The following AP2S1 variants were observed in gnomAD, a reference collection of about 807,000 sequenced individuals.
AP2S1 encodes AP-2 complex subunit sigma.
In AP2S1, 6 loss-of-function variants were observed where a neutral mutation model predicts 21.0. That is an observed-to-expected ratio of 0.29 (90% CI 0.16 to 0.56). The LOEUF (loss-of-function observed/expected upper bound fraction) is 0.56, where lower values mean the gene tolerates loss of function less well. Ranked by LOEUF, AP2S1 falls within the 20% of genes least tolerant of loss-of-function variation. AP2S1 has a pLI of 0.92. For synonymous variants in AP2S1, 63 were observed against 74.6 expected, an observed-to-expected ratio of 0.84 and a Z score of 0.80; for missense variants, 60 against 186.2, an observed-to-expected ratio of 0.32 and a Z score of 3.95.
Position 46,839,595 on chromosome 19 carries a change from C to A in AP2S1, c.154-17G>T. On this transcript the variant is annotated splice_polypyrimidine_tract_variant and intron_variant, in intron 2 of 4. Transcript: ENST00000263270. ...GTTCCGGAACTGCAGAACAGAGAGG[C>A]TGTCAGCAACGGAGATTGCCAGGAC... 1 of 1,614,172 alleles carries A rather than the reference C, an allele frequency of 6.2e-7. No homozygotes were observed. The highest frequency in any genetic ancestry group is 1.1e-5 in the South Asian group (1 of 91,080).
chr19:46,838,855 A>G lies in AP2S1; in HGVS notation c.268-56T>C, dbSNP rs2055459493. ...TGGGCAGGGAGAGAGCCACACACGC[A>G]CAGAGATGGGAACAAGGTCATCAGA... On this transcript the variant is annotated intron_variant, in intron 3 of 4. Coordinates refer to ENST00000263270, the MANE Select transcript of AP2S1 (RefSeq NM_004069.6). The surrounding 1 kb of genome is among the most constrained non-coding windows in gnomAD (Gnocchi z 4.1). The G allele has an allele frequency of 4.6e-6, 7 of 1,521,662 alleles. No homozygotes were observed. In the Admixed American group the frequency reaches 5.1e-5, roughly 11 times the overall value. 94.3% of individuals were successfully genotyped at this position (1,521,662 alleles called of 1,614,324 possible). A position where few individuals can be genotyped will look rare whatever the true frequency, so the allele number is the denominator to read the frequency against.
chr19:46,847,256 C>T (rs972349822), intron 1 of AP2S1, among the ~76,000 whole-genome samples: 18 of 146,070 alleles, frequency 1.2e-4, no homozygotes, highest in Admixed American at 1.2e-3. Flanking sequence ...TTTTTTGAGA[C>T]AGGTTCTAGC....
intron 2 of AP2S1, among the ~76,000 whole-genome samples, chr19:46,843,874 C>A (rs2055571200): frequency 6.6e-6 from 1 of 152,034 alleles, no homozygotes; most frequent in South Asian, 2.1e-4. Context: ...GGAGACAGAG[C>A]AAGACCGTGT....
chr19:46,841,274 A>G (rs2055516376), intron 2 of AP2S1, among the ~76,000 whole-genome samples: 1 of 152,084 alleles, frequency 6.6e-6, no homozygotes, highest in Admixed American at 6.6e-5. Flanking sequence ...TGATTACAGT[A>G]AGGCCTACAT....
At chr19:46,849,151 A>G (rs2055689680) in intron 1 of AP2S1, among the ~76,000 whole-genome samples, 1 of 149,366 alleles carries the variant, frequency 6.7e-6, no homozygotes, top group Admixed American at 6.7e-5. Flanking sequence ...GATTACAGGC[A>G]TCCACCACCA....
chr19:46,839,409 G>A (rs982574107), intron 3 of AP2S1, 56 bp downstream of exon 3: 5 of 1,590,820 alleles, frequency 3.1e-6, no homozygotes, highest in Non-Finnish European at 4.3e-6. Context: ...AGGCCTTGGG[G>A]GCCACTCCAG....
intron 1 of AP2S1, among the ~76,000 whole-genome samples, chr19:46,846,726 C>T (rs1284082589): frequency 2.0e-5 from 3 of 152,292 alleles, no homozygotes; most frequent in Admixed American, 6.5e-5. Context: ...AGTGCGATGG[C>T]GCAATCTCGG....
chr19:46,850,836 T>A lies in AP2S1; in HGVS notation c.-70A>T. 1 of 1,450,102 alleles carries A rather than the reference T, an allele frequency of 6.9e-7. No individual in the cohort carries two copies. The highest frequency in any genetic ancestry group is 2.6e-5 in the East Asian group (1 of 38,734). The allele number at this position is 1,450,102 out of a possible 1,614,324, so 89.8% of individuals were successfully genotyped here. ...TGGGCAGCTCCGGCTCAGGGTGCAGTTGTAGGGCCCAGAGCTAGAGCGGAC... is the reference window on the plus strand; with the variant it reads ...TGGGCAGCTCCGGCTCAGGGTGCAGATGTAGGGCCCAGAGCTAGAGCGGAC... On this transcript the variant is annotated 5_prime_UTR_variant, in exon 1 of 5. Transcript: ENST00000263270.
intron 1 of AP2S1, among the ~76,000 whole-genome samples, chr19:46,849,715 C>A (rs933511371): frequency 4.6e-5 from 7 of 152,076 alleles, no homozygotes; most frequent in African/African-American, 1.7e-4. Context: ...GTCTCCAATC[C>A]CCCTCCTCTG....
intron 2 of AP2S1, among the ~76,000 whole-genome samples, chr19:46,843,280 C>A (rs901625901): frequency 3.3e-5 from 5 of 152,198 alleles, no homozygotes; most frequent in African/African-American, 9.7e-5. Context: ...CCCACCTGGA[C>A]CACTGCAGCC....
chr19:46,846,159 GAGA>G lies in AP2S1; in HGVS notation c.4-20_4-18del, dbSNP rs2055628996. ...AAAGCGGATCTGGGGGCAGCAGGAG[GAGA>G]AGGAGGAAGTGAGAGAGGCAGAGAG... is the stretch of plus-strand genomic sequence containing the variant. On this transcript the variant is annotated intron_variant, in intron 1 of 4. Coordinates refer to ENST00000263270, the MANE Select transcript of AP2S1 (RefSeq NM_004069.6). The G allele has an allele frequency of 1.9e-6, 3 of 1,613,584 alleles. No homozygotes were observed. The highest frequency in any genetic ancestry group is 3.3e-5 in the Admixed American group (2 of 59,980).
intron 1 of AP2S1, among the ~76,000 whole-genome samples, chr19:46,846,598 T>C (rs772688699): frequency 1.1e-4 from 16 of 151,924 alleles, no homozygotes; most frequent in Admixed American, 3.3e-4. Flanking sequence ...CTAGGCCTGT[T>C]TCCTCACCAG....
chr19:46,838,692 C>T lies in AP2S1; in HGVS notation c.327+48G>A, dbSNP rs200237364. 3.1e-3 allele frequency: 4,965 copies of T among 1,604,310 alleles called. 55 individuals carry two copies. The highest frequency in any genetic ancestry group is 2.8e-3 in the Non-Finnish European group (3,288 of 1,171,818). ...TGGCTAGTGCACCACGGGTCCCCCCCGTCCCCCTCCTCTGGCTCCTTCAGC... is the reference window on the plus strand; with the variant it reads ...TGGCTAGTGCACCACGGGTCCCCCCTGTCCCCCTCCTCTGGCTCCTTCAGC... On this transcript the variant is annotated intron_variant, in intron 4 of 4. Transcript: ENST00000263270. The surrounding 1 kb of genome is among the most constrained non-coding windows in gnomAD (Gnocchi z 4.1).
intron 3 of AP2S1, 65 bp downstream of exon 3, chr19:46,839,400 G>A (rs1251400005): frequency 1.9e-6 from 3 of 1,577,878 alleles, no homozygotes; most frequent in Non-Finnish European, 2.6e-6. Flanking sequence ...AGGGTTCCCA[G>A]GCCTTGGGGG....
In AP2S1 at chr19:46,838,480, C is replaced by T. The variant is rs777173659; in HGVS notation, c.396G>A (p.Leu132=). Reference sequence around the variant, plus strand: ...GGGACTGTAGCATCAGCAGCTGTTTCAGCACCTTCGTCTGGCTGGTCTCTC... The same window carrying T: ...GGGACTGTAGCATCAGCAGCTGTTTTAGCACCTTCGTCTGGCTGGTCTCTC... The part of the protein sequence containing the change: ...EIRETSQTKV[L]KQLLMLQSLE The change falls in exon 5 of 5, where the codon CTG becomes CTA. Residue 132 remains leucine (L), a synonymous_variant. Transcript: ENST00000263270. This position sits in a 1 kb window ranked among gnomAD's most constrained non-coding sequence, Gnocchi z 4.1. 1 of 1,614,212 alleles carries T rather than the reference C, an allele frequency of 6.2e-7. No individual in the cohort carries two copies. Among genetic ancestry groups the T allele is most frequent in the Non-Finnish European group, 8.5e-7 (1 of 1,180,022 alleles).
chr19:46,840,614 C>T (rs146174962), intron 2 of AP2S1, among the ~76,000 whole-genome samples: 2 of 151,874 alleles, frequency 1.3e-5, no homozygotes, highest in East Asian at 1.9e-4. Context: ...CACTCCAGCC[C>T]GGGAGACCCT....
At chr19:46,848,242 AG>A (rs897959312) in intron 1 of AP2S1, among the ~76,000 whole-genome samples, 8 of 152,040 alleles carry the variant, frequency 5.3e-5, no homozygotes, top group African/African-American at 1.9e-4. Flanking sequence ...GATGGGGGGC[AG>A]GGGGGAGGCG....
chr19:46,844,154 T>C (rs1018496071), intron 2 of AP2S1, among the ~76,000 whole-genome samples: 3 of 152,036 alleles, frequency 2.0e-5, no homozygotes, highest in East Asian at 1.9e-4. Flanking sequence ...CCACCCACCT[T>C]GGCCTCCCAA....
rs530290887 is a variant in AP2S1, at chr19:46,850,816, A to G, written c.-50T>C. ...GGCCCCGGTCCCGCGGCGACTGGGCAGCTCCGGCTCAGGGTGCAGTTGTAG... is the reference window on the plus strand; with the variant it reads ...GGCCCCGGTCCCGCGGCGACTGGGCGGCTCCGGCTCAGGGTGCAGTTGTAG... On this transcript the variant is annotated 5_prime_UTR_variant, in exon 1 of 5. Transcript: ENST00000263270. The G allele has an allele frequency of 5.9e-6, 9 of 1,534,234 alleles. No individual in the cohort carries two copies. In the South Asian group the frequency reaches 1.1e-4, roughly 19 times the overall value.
Sources: gnomAD v4.1 joint callset for allele counts (sites outside exome capture counted in the v4.1 genomes callset) on GRCh38, gnomAD v4.1.1 for gene constraint, Gnocchi (gnomAD v3.1) non-coding constraint, MANE v1.5 for transcripts, NCBI Gene and HGNC (gene_info 2026-07-23, HGNC 2026-07-21) for gene names.